GRM8: variants seen among roughly 807,000 people sequenced by gnomAD.
The protein encoded by GRM8 is glutamate metabotropic receptor 8.
Under a neutral mutation model 87.2 loss-of-function variants are expected in GRM8, and 47 were observed. The observed-to-expected ratio is 0.54, with a 90% CI of 0.43 to 0.69. The LOEUF (loss-of-function observed/expected upper bound fraction) is 0.69. Among genes scored for constraint, GRM8 ranks in the 30% least tolerant of loss-of-function variants. GRM8 has a pLI of 0.00. For synonymous variants in GRM8, 396 were observed against 404.5 expected, an observed-to-expected ratio of 0.98 and a Z score of 0.25; for missense variants, 1,019 against 1,139.2, an observed-to-expected ratio of 0.89 and a Z score of 1.52.
At chr7:127,202,376 C>T (rs1795663200) in intron 2 of GRM8, among the ~76,000 whole-genome samples, 1 of 152,028 alleles carries the variant, frequency 6.6e-6, no homozygotes, top group African/African-American at 2.4e-5. Context: ...CAGGGTTTTG[C>T]CATGTTGGCC....
chr7:126,531,702 T>C lies in GRM8; in HGVS notation c.2430+1250A>G, dbSNP rs892936110. On this transcript the variant is annotated intron_variant, in intron 9 of 10. Transcript: ENST00000339582. ...TTAATAGAATCACAAGTTTATTCTC[T>C]TCAGCAGCAAGTTTGCTGAAGTACA... Among the ~76,000 whole-genome samples the C allele has an allele frequency of 9.2e-5, 14 of 152,364 alleles. No individual in the cohort carries two copies. In the South Asian group the frequency reaches 2.3e-3, roughly 25 times the overall value.
At chr7:126,966,660 G>T (rs1429048989) in intron 3 of GRM8, among the ~76,000 whole-genome samples, 5 of 152,142 alleles carry the variant, frequency 3.3e-5, no homozygotes, top group African/African-American at 7.2e-5. Context: ...AATAATTAAA[G>T]ATACTGTTAT....
Position 126,935,337 on chromosome 7 carries a change from A to T in GRM8, c.728-30654T>A, listed in dbSNP as rs115893595. ...AATGAAGGACACAAAGACACAGTTC[A>T]CTGTTTTGGCTGAGACCCAGAACTC... On this transcript the variant is annotated intron_variant, in intron 3 of 10. Coordinates refer to ENST00000339582, the MANE Select transcript of GRM8 (RefSeq NM_000845.3). Among the ~76,000 whole-genome samples the T allele has an allele frequency of 2.3e-3, 347 of 152,328 alleles. 3 individuals carry two copies. Among genetic ancestry groups the T allele is most frequent in the African/African-American group, 8.1e-3 (336 of 41,568 alleles).
intron 2 of GRM8, among the ~76,000 whole-genome samples, chr7:127,171,423 C>CAGCA (rs1733197705): frequency 6.6e-6 from 1 of 152,162 alleles, no homozygotes; most frequent in Admixed American, 6.5e-5. Context: ...TGTTGTCAAA[C>CAGCA]AGCAAAGCAT....
chr7:126,775,479 G>GTTTTTTTGTT (rs1819334045), intron 6 of GRM8, among the ~76,000 whole-genome samples: 5 of 104,748 alleles, frequency 4.8e-5, no homozygotes, highest in African/African-American at 1.7e-4. Context: ...TGACAAATAG[G>GTTTTTTTGTT]TTTTTTTTTT....
chr7:126,759,682 T>C (rs1817389465), intron 7 of GRM8, among the ~76,000 whole-genome samples: 1 of 152,186 alleles, frequency 6.6e-6, no homozygotes, highest in Non-Finnish European at 1.5e-5. Context: ...TAAGTCTGCA[T>C]CTTTCTAAAG....
At chr7:126,954,960 G>T (rs1017103911) in intron 3 of GRM8, among the ~76,000 whole-genome samples, 1 of 152,162 alleles carries the variant, frequency 6.6e-6, no homozygotes, top group African/African-American at 2.4e-5. Context: ...TACACTGTAA[G>T]ATTTTCCTGT....
intron 7 of GRM8, among the ~76,000 whole-genome samples, chr7:126,733,748 T>C (rs900307628): frequency 8.5e-5 from 13 of 152,058 alleles, no homozygotes; most frequent in Middle Eastern, 3.4e-3. Flanking sequence ...AAACTTTAAA[T>C]TAGAAATCAT....
intron 6 of GRM8, among the ~76,000 whole-genome samples, chr7:126,774,410 T>C (rs1372188345): frequency 1.3e-5 from 2 of 152,210 alleles, no homozygotes; most frequent in African/African-American, 2.4e-5. Context: ...TATAAAGTGC[T>C]AAATATCGTC....
intron 9 of GRM8, among the ~76,000 whole-genome samples, chr7:126,464,364 G>T (rs980170030): frequency 6.6e-6 from 1 of 151,202 alleles, no homozygotes; most frequent in Admixed American, 6.6e-5. Context: ...TGTTTCTTGT[G>T]GGCAACAGAT....
intron 9 of GRM8, among the ~76,000 whole-genome samples, chr7:126,452,835 C>T (rs1412265250): frequency 6.6e-6 from 1 of 151,672 alleles, no homozygotes; most frequent in African/African-American, 2.4e-5. Flanking sequence ...GAGGGTCAGG[C>T]ACTCACATTA....
At chr7:126,604,227 CA>C (rs564519085) in intron 8 of GRM8, among the ~76,000 whole-genome samples, 17 of 152,182 alleles carry the variant, frequency 1.1e-4, no homozygotes, top group Admixed American at 9.8e-4. Context: ...AAAATTCCAT[CA>C]GAAAGTTTGC....
intron 6 of GRM8, among the ~76,000 whole-genome samples, chr7:126,865,907 G>C (rs1219646277): frequency 3.3e-5 from 5 of 152,084 alleles, no homozygotes; most frequent in Admixed American, 3.3e-4. Flanking sequence ...ACAAATTTTT[G>C]TGTGTATGTG....
At chr7:126,820,627 G>A (rs1330496073) in intron 6 of GRM8, among the ~76,000 whole-genome samples, 1 of 152,194 alleles carries the variant, frequency 6.6e-6, no homozygotes. Flanking sequence ...ACGGATAGGT[G>A]TGGTCTTGCC....
At chr7:126,849,928 G>T (rs1797062082) in intron 6 of GRM8, among the ~76,000 whole-genome samples, 1 of 152,146 alleles carries the variant, frequency 6.6e-6, no homozygotes, top group Admixed American at 6.6e-5. Flanking sequence ...CTACTGGATT[G>T]TTTGTCCAAT....
chr7:126,851,138 A>C (rs539957883), intron 6 of GRM8, among the ~76,000 whole-genome samples: 2 of 152,144 alleles, frequency 1.3e-5, no homozygotes, highest in East Asian at 3.9e-4. Flanking sequence ...CATCCTTTCC[A>C]GTTATTCAGA....
intron 7 of GRM8, among the ~76,000 whole-genome samples, chr7:126,745,443 C>T (rs766916899): frequency 7.3e-5 from 7 of 96,488 alleles, no homozygotes; most frequent in Non-Finnish European, 1.6e-4. Flanking sequence ...GTGTGTGTGA[C>T]GTGTGTGTCT....
At chr7:126,457,993 C>T (rs1050509617) in intron 9 of GRM8, among the ~76,000 whole-genome samples, 27 of 148,356 alleles carry the variant, frequency 1.8e-4, no homozygotes, top group Non-Finnish European at 3.1e-4. Flanking sequence ...TAAAAATATG[C>T]CAGCAAATTA....
Position 126,933,040 on chromosome 7 carries a change from ACT to A in GRM8, c.728-28359_728-28358del, listed in dbSNP as rs546588482. On this transcript the variant is annotated intron_variant, in intron 3 of 10. Coordinates refer to ENST00000339582, the MANE Select transcript of GRM8 (RefSeq NM_000845.3). Reference sequence around the variant, plus strand: ...AAAGGCTAAAACCAGAATGAGGATGACTCTGATAGTGAAAAGCCCAAGATTCT... The same window carrying A: ...AAAGGCTAAAACCAGAATGAGGATGACTGATAGTGAAAAGCCCAAGATTCT... Among the ~76,000 whole-genome samples the A allele has an allele frequency of 4.6e-5, 7 of 152,264 alleles. No homozygotes were observed. The South Asian group carries it at 1.5e-3, about 32-fold the overall frequency.
Sources: allele counts gnomAD v4.1 joint callset (sites outside exome capture counted in the v4.1 genomes callset), GRCh38; gene constraint gnomAD v4.1.1; transcripts MANE v1.5; gene names NCBI Gene and HGNC (gene_info 2026-07-23, HGNC 2026-07-21).